MYOF: variants seen among roughly 807,000 people sequenced by gnomAD.
MYOF encodes the protein fer-1-like 3, myoferlin.
In MYOF, 244 loss-of-function variants were observed where a neutral mutation model predicts 284.2. The observed-to-expected ratio is 0.86, with a 90% CI of 0.77 to 0.95. The LOEUF is 0.95. MYOF is among the 40% of genes least tolerant of loss of function. The pLI, the probability that MYOF is intolerant of heterozygous loss-of-function variation, is 0.00. For synonymous variants in MYOF, 904 were observed against 919.7 expected, an observed-to-expected ratio of 0.98 and a Z score of 0.31; for missense variants, 2,496 against 2,560.6, an observed-to-expected ratio of 0.97 and a Z score of 0.54.
At chr10:93,372,899 G>A in intron 24 of MYOF, 31 bp downstream of exon 24, 1 of 1,612,770 alleles carries the variant, frequency 6.2e-7, no homozygotes, top group South Asian at 1.1e-5. Flanking sequence ...TGCATTTAGT[G>A]TGTTTCACAT....
intron 39 of MYOF, among the ~76,000 whole-genome samples, chr10:93,339,202 G>A (rs1014917145): frequency 6.6e-6 from 1 of 151,860 alleles, no homozygotes; most frequent in African/African-American, 2.4e-5. Context: ...TAGTAGAGAT[G>A]GGGTTTCACC....
intron 5 of MYOF, among the ~76,000 whole-genome samples, chr10:93,421,038 C>G (rs767330763): frequency 6.6e-6 from 1 of 151,854 alleles, no homozygotes; most frequent in Admixed American, 6.6e-5. Flanking sequence ...GGCAACATGG[C>G]AAAACCCTGT....
At chr10:93,331,849 T>G (rs1306388856) in intron 43 of MYOF, among the ~76,000 whole-genome samples, 1 of 152,146 alleles carries the variant, frequency 6.6e-6, no homozygotes, top group Non-Finnish European at 1.5e-5. Flanking sequence ...TAAAAATATA[T>G]GCCACGCAGC....
At chr10:93,408,467 G>C (rs1484403475) in intron 7 of MYOF, among the ~76,000 whole-genome samples, 1 of 151,740 alleles carries the variant, frequency 6.6e-6, no homozygotes, top group Admixed American at 6.6e-5. Context: ...AACCCCGGAG[G>C]TGGAGGTTGC....
chr10:93,400,326 C>CT (rs112023989), intron 12 of MYOF, among the ~76,000 whole-genome samples: 81 of 67,074 alleles, frequency 1.2e-3, no homozygotes, highest in South Asian at 4.6e-3. Flanking sequence ...TCTTCTTCTT[C>CT]TTCTTTTTTT....
At chr10:93,332,825 T>G (rs562324070) in intron 43 of MYOF, among the ~76,000 whole-genome samples, 3 of 151,964 alleles carry the variant, frequency 2.0e-5, no homozygotes, top group South Asian at 2.1e-4. Context: ...CCAGCATGGG[T>G]GACAGCAAGA....
chr10:93,471,215 T>C (rs2057139444), intron 1 of MYOF, among the ~76,000 whole-genome samples: 1 of 152,228 alleles, frequency 6.6e-6, no homozygotes, highest in Non-Finnish European at 1.5e-5. Context: ...ACTGATTCAC[T>C]GCTAAGCTAT....
chr10:93,387,738 C>A (rs1846455822), intron 19 of MYOF, 59 bp downstream of exon 19: 1 of 1,446,730 alleles, frequency 6.9e-7, no homozygotes, highest in Non-Finnish European at 9.7e-7. Context: ...CCAGCTACCC[C>A]TTCAGTCCCT....
chr10:93,356,879 C>G (rs753536179), intron 29 of MYOF, 31 bp from the exon 30 acceptor site: 8 of 1,583,974 alleles, frequency 5.1e-6, no homozygotes, highest in Non-Finnish European at 6.9e-6. Context: ...TTAATGATGA[C>G]GATGATGATG....
chr10:93,327,489 G>A (rs1351361909), intron 45 of MYOF, among the ~76,000 whole-genome samples: 4 of 152,052 alleles, frequency 2.6e-5, no homozygotes, highest in African/African-American at 9.7e-5. Context: ...TCCTGACCCC[G>A]CAAAACTGTG....
intron 43 of MYOF, among the ~76,000 whole-genome samples, chr10:93,330,650 C>T (rs574809212): frequency 2.6e-4 from 40 of 152,180 alleles, no homozygotes; most frequent in Admixed American, 7.2e-4. Flanking sequence ...GGTGGGTGGG[C>T]GATGTATGCT....
intron 5 of MYOF, among the ~76,000 whole-genome samples, chr10:93,418,000 A>C (rs1226534404): frequency 2.0e-5 from 3 of 152,064 alleles, no homozygotes; most frequent in African/African-American, 7.2e-5. Flanking sequence ...GAGTCTCATT[A>C]TGTTGCCCAG....
chr10:93,407,966 A>G (rs2134119087), intron 7 of MYOF, among the ~76,000 whole-genome samples: 1 of 152,252 alleles, frequency 6.6e-6, no homozygotes, highest in Non-Finnish European at 1.5e-5. Context: ...TAAGGGTCGA[A>G]GGGATCATCA....
chr10:93,439,527 A>T (rs146122000), intron 3 of MYOF, among the ~76,000 whole-genome samples: 1 of 152,278 alleles, frequency 6.6e-6, no homozygotes, highest in Admixed American at 6.5e-5. Context: ...TGAACCTTGT[A>T]AGATAAGGAG....
At chr10:93,331,217 C>A (rs1843282652) in intron 43 of MYOF, among the ~76,000 whole-genome samples, 1 of 152,142 alleles carries the variant, frequency 6.6e-6, no homozygotes, top group Non-Finnish European at 1.5e-5. Flanking sequence ...AAGGTTGTTC[C>A]TTCCTGAATT....
Position 93,323,089 on chromosome 10 carries a change from G to C in MYOF, c.5445C>G (p.Ile1815Met). 1.2e-6 allele frequency: 2 copies of C among 1,613,712 alleles called. No individual in the cohort carries two copies. The highest frequency in any genetic ancestry group is 1.7e-6 in the Non-Finnish European group (2 of 1,179,558). ...KSITGEEMSD[I>M]YVKGWIPGNE... ...CATGCTAACCTTACCCTTTGACGTA[G>C]ATGTCACTCATTTCCTCTCCTGTGA... The change falls in exon 48 of 54, where the codon ATC becomes ATG. Residue 1815 changes from isoleucine to methionine, a missense_variant. Physicochemically the swap from Ile to Met is conservative, Grantham distance 10 (BLOSUM62 1). Transcript: ENST00000359263.
intron 1 of MYOF, among the ~76,000 whole-genome samples, chr10:93,467,792 C>T (rs1372207742): frequency 1.3e-5 from 2 of 152,102 alleles, no homozygotes; most frequent in Non-Finnish European, 2.9e-5. Context: ...TACTATGCAG[C>T]CATAAAAAAT....
At chr10:93,358,342 C>T (rs1665961116) in intron 29 of MYOF, among the ~76,000 whole-genome samples, 1 of 152,176 alleles carries the variant, frequency 6.6e-6, no homozygotes, top group African/African-American at 2.4e-5. Context: ...AGCTTTTACA[C>T]TGTTGGTGGG....
intron 51 of MYOF, among the ~76,000 whole-genome samples, chr10:93,311,047 T>A (rs1842361266): frequency 6.6e-6 from 1 of 152,214 alleles, no homozygotes; most frequent in African/African-American, 2.4e-5. Flanking sequence ...GCCATATCTC[T>A]TCATGCCTAT....
Sources: gnomAD v4.1 joint callset for allele counts (sites outside exome capture counted in the v4.1 genomes callset) on GRCh38, gnomAD v4.1.1 for gene constraint, MANE v1.5 for transcripts, NCBI Gene and HGNC (gene_info 2026-07-23, HGNC 2026-07-21) for gene names.